The following STK33 variants were observed in gnomAD, a reference collection of about 807,000 sequenced individuals.
The protein encoded by STK33 is serine/threonine kinase 33, also known as serine/threonine-protein kinase 33.
STK33 carries 52 observed loss-of-function variants against 58.0 expected under a neutral mutation model. The ratio of observed to expected loss-of-function variants is 0.90; its 90% CI spans 0.72 to 1.13. The LOEUF is 1.13. Ranked by LOEUF, STK33 falls within the 50% of genes most tolerant of loss-of-function variation. The pLI, the probability that STK33 is intolerant of heterozygous loss-of-function variation, is 0.00. For synonymous variants in STK33, 215 were observed against 200.1 expected, an observed-to-expected ratio of 1.07 and a Z score of -0.63; for missense variants, 630 against 604.2, an observed-to-expected ratio of 1.04 and a Z score of -0.45.
At chr11:8,381,389 C>G in the STK33 span, among the ~76,000 whole-genome samples, 1 of 152,282 alleles carries the variant, frequency 6.6e-6, no homozygotes, top group Middle Eastern at 3.4e-3. Context: ...GCTGCCCCTT[C>G]CCCACTCCAT....
Position 8,455,139 on chromosome 11 carries a change from G to A in STK33, c.698-307C>T, listed in dbSNP as rs902184510. Among the ~76,000 whole-genome samples the A allele has an allele frequency of 2.6e-5, 4 of 152,190 alleles. No individual in the cohort carries two copies. In the East Asian group the frequency reaches 7.7e-4, roughly 29 times the overall value. ...ACCCATGCTTAGGTATTCCCAGGAG[G>A]AGGGAGATCATCTTAGTCACAAACC... On this transcript the variant is annotated intron_variant, in intron 9 of 15. Transcript: ENST00000687296.
intron 1 of STK33, among the ~76,000 whole-genome samples, chr11:8,558,159 T>A (rs1356481316): frequency 6.6e-6 from 1 of 152,200 alleles, no homozygotes; most frequent in Non-Finnish European, 1.5e-5. Flanking sequence ...AAAATAAGAT[T>A]TCCATCATTC....
chr11:8,535,201 A>G (rs1045575172), intron 1 of STK33, among the ~76,000 whole-genome samples: 1 of 152,198 alleles, frequency 6.6e-6, no homozygotes, highest in Non-Finnish European at 1.5e-5. Context: ...TTAATGGTCC[A>G]TATACTGAGT....
At chr11:8,418,941 T>C (rs1375062147) in intron 14 of STK33, among the ~76,000 whole-genome samples, 1 of 152,098 alleles carries the variant, frequency 6.6e-6, no homozygotes, top group African/African-American at 2.4e-5. Context: ...TTTAATGAGG[T>C]TGTTTTTTTT....
intron 1 of STK33, among the ~76,000 whole-genome samples, chr11:8,524,996 T>C (rs183531740): frequency 4.6e-5 from 7 of 152,242 alleles, no homozygotes; most frequent in Admixed American, 4.6e-4. Flanking sequence ...GTACAGCTGT[T>C]TGTATGTCAA....
chr11:8,401,010 G>A (rs1937796599), intron 15 of STK33, among the ~76,000 whole-genome samples: 1 of 151,312 alleles, frequency 6.6e-6, no homozygotes, highest in Non-Finnish European at 1.5e-5. Flanking sequence ...TCATGGGTAG[G>A]AAGAATCAAT....
At chr11:8,401,228 G>C (rs923532559) in intron 15 of STK33, among the ~76,000 whole-genome samples, 1 of 152,080 alleles carries the variant, frequency 6.6e-6, no homozygotes, top group African/African-American at 2.4e-5. Flanking sequence ...ATACAACAAG[G>C]CTACAGTAAC....
intron 1 of STK33, among the ~76,000 whole-genome samples, chr11:8,569,360 C>T (rs1421246759): frequency 6.6e-6 from 1 of 152,140 alleles, no homozygotes; most frequent in Non-Finnish European, 1.5e-5. Flanking sequence ...AATTCAACAA[C>T]ACAAGAAAAG....
Position 8,400,554 on chromosome 11 carries a change from T to G in STK33, c.1345-7844A>C, listed in dbSNP as rs1207096217. ...AACTGGAAGCATTCCCTTTGAAAACTGGCACAAGACAGGGATGCCCTCTCT... is the reference window on the plus strand; with the variant it reads ...AACTGGAAGCATTCCCTTTGAAAACGGGCACAAGACAGGGATGCCCTCTCT... On this transcript the variant is annotated intron_variant, in intron 15 of 15. Transcript: ENST00000687296. Among the ~76,000 whole-genome samples, 3 of 152,316 alleles carry G rather than the reference T, an allele frequency of 2.0e-5. 1 individual carries two copies. The highest frequency in any genetic ancestry group is 4.1e-4 in the South Asian group (2 of 4,822).
At chr11:8,395,618 A>G (rs1364543070) in intron 15 of STK33, among the ~76,000 whole-genome samples, 1 of 152,200 alleles carries the variant, frequency 6.6e-6, no homozygotes, top group African/African-American at 2.4e-5. Context: ...AGATCATTCC[A>G]TGTCAATTCA....
chr11:8,337,746 C>A, the STK33 span, among the ~76,000 whole-genome samples: 4 of 152,112 alleles, frequency 2.6e-5, no homozygotes, highest in Admixed American at 6.5e-5. Context: ...TTGTTCACCC[C>A]ACTCCAGCCC....
intron 11 of STK33, among the ~76,000 whole-genome samples, chr11:8,444,673 G>A (rs1349745035): frequency 6.6e-6 from 1 of 151,968 alleles, no homozygotes; most frequent in Non-Finnish European, 1.5e-5. Flanking sequence ...TTATGTCAAT[G>A]AAACTGAAGT....
chr11:8,364,515 C>T, the STK33 span, among the ~76,000 whole-genome samples: 7,406 of 152,252 alleles, frequency 0.049, 245 homozygotes, highest in Non-Finnish European at 0.07. Context: ...TATGTATCTG[C>T]TATTGATGGA....
intron 15 of STK33, among the ~76,000 whole-genome samples, chr11:8,404,268 A>G (rs910111131): frequency 1.3e-5 from 2 of 152,226 alleles, no homozygotes; most frequent in Non-Finnish European, 2.9e-5. Flanking sequence ...AAATATAAAT[A>G]TCTTTCTTTT....
At chr11:8,428,243 A>T (rs1259853236) in intron 14 of STK33, among the ~76,000 whole-genome samples, 2 of 152,214 alleles carry the variant, frequency 1.3e-5, no homozygotes, top group Non-Finnish European at 2.9e-5. Flanking sequence ...TTGGCTTCTC[A>T]TTCAGGCACG....
At chr11:8,505,295 T>A (rs572400134) in intron 1 of STK33, among the ~76,000 whole-genome samples, 3 of 152,312 alleles carry the variant, frequency 2.0e-5, no homozygotes, top group Non-Finnish European at 2.9e-5. Context: ...ATTTAAAAAT[T>A]GATATTTTTC....
At chr11:8,396,317 T>A (rs1456302744) in intron 15 of STK33, among the ~76,000 whole-genome samples, 1 of 152,240 alleles carries the variant, frequency 6.6e-6, no homozygotes, top group Non-Finnish European at 1.5e-5. Flanking sequence ...TTGGCCAGGA[T>A]GATCTCAATA....
chr11:8,343,527 G>A, the STK33 span, among the ~76,000 whole-genome samples: 1 of 151,864 alleles, frequency 6.6e-6, no homozygotes, highest in South Asian at 2.1e-4. Context: ...AAGTACTGCT[G>A]GAAATCCCCC....
intron 1 of STK33, among the ~76,000 whole-genome samples, chr11:8,552,437 A>C (rs1386441721): frequency 2.0e-5 from 3 of 152,090 alleles, no homozygotes; most frequent in Non-Finnish European, 1.5e-5. Flanking sequence ...TCTACTTTAT[A>C]AACTTTTTAC....
Sources: allele counts gnomAD v4.1 joint callset (sites outside exome capture counted in the v4.1 genomes callset), GRCh38; gene constraint gnomAD v4.1.1; transcripts MANE v1.5; gene names NCBI Gene and HGNC (gene_info 2026-07-23, HGNC 2026-07-21).